The following SDK1 variants were observed in gnomAD, a reference collection of about 807,000 sequenced individuals.
SDK1 encodes protein sidekick-1.
Under a neutral mutation model 245.5 loss-of-function variants are expected in SDK1, and 157 were observed. The observed-to-expected ratio is 0.64, with a 90% confidence interval of 0.56 to 0.73. The LOEUF is 0.73. Ranked by LOEUF, SDK1 falls within the 30% of genes least tolerant of loss-of-function variation. SDK1 has a pLI of 0.00. For missense variants in SDK1, 3,583 were observed against 3,002.3 expected (o/e 1.19, Z -4.52); for synonymous variants, 1,647 against 1,278.5 (o/e 1.29, Z -6.15).
chr7:4,083,550 C>CTCCCTTCA (rs1781205520), intron 22 of SDK1, among the ~76,000 whole-genome samples: 1 of 133,042 alleles, frequency 7.5e-6, no homozygotes, highest in Non-Finnish European at 1.6e-5. Flanking sequence ...CCCTCCCTCC[C>CTCCCTTCA]TCCCTCCCTT....
At chr7:3,764,425 C>T (rs1255045275) in intron 4 of SDK1, among the ~76,000 whole-genome samples, 2 of 152,162 alleles carry the variant, frequency 1.3e-5, no homozygotes, top group Non-Finnish European at 2.9e-5. Flanking sequence ...GTGACTCATG[C>T]CTGTAATCCC....
intron 14 of SDK1, among the ~76,000 whole-genome samples, chr7:3,995,490 C>G (rs1784633556): frequency 6.6e-6 from 1 of 152,232 alleles, no homozygotes; most frequent in African/African-American, 2.4e-5. Context: ...CAACACCTCC[C>G]TCCTGAGTTG....
At chr7:3,946,292 C>G (rs944463482) in intron 5 of SDK1, among the ~76,000 whole-genome samples, 8 of 152,010 alleles carry the variant, frequency 5.3e-5, no homozygotes, top group Non-Finnish European at 7.4e-5. Flanking sequence ...ATCCTCCTGC[C>G]TCAGCCTCCC....
chr7:3,443,284 C>G (rs986661289), intron 1 of SDK1, among the ~76,000 whole-genome samples: 8 of 152,130 alleles, frequency 5.3e-5, no homozygotes, highest in Non-Finnish European at 1.0e-4. Context: ...AGAGCTAACA[C>G]TACTTATGTT....
chr7:3,975,174 A>G (rs1009147277), intron 13 of SDK1, among the ~76,000 whole-genome samples: 5 of 152,264 alleles, frequency 3.3e-5, no homozygotes, highest in African/African-American at 9.6e-5. Flanking sequence ...TTCATGGAGC[A>G]GGAAACCAAA....
chr7:3,628,077 C>A (rs925957032), intron 2 of SDK1, among the ~76,000 whole-genome samples: 1 of 152,124 alleles, frequency 6.6e-6, no homozygotes, highest in Non-Finnish European at 1.5e-5. Flanking sequence ...ACTGCGCTCC[C>A]TTTGGCCACG....
chr7:4,060,357 A>G (rs557566814), intron 19 of SDK1, among the ~76,000 whole-genome samples: 89 of 152,328 alleles, frequency 5.8e-4, no homozygotes, highest in African/African-American at 2.0e-3. Flanking sequence ...GTAGAAGGAA[A>G]GATATAATAA....
In SDK1 at chr7:4,233,320, C is replaced by T. The variant is rs749176490; in HGVS notation, c.5893C>T (p.Leu1965=). The T allele has an allele frequency of 6.2e-7, 1 of 1,613,892 alleles. No homozygotes were observed. Among genetic ancestry groups the T allele is most frequent in the African/African-American group, 1.3e-5 (1 of 74,946 alleles). The part of the protein sequence containing the change: ...PRSATSYTLS[L]DKLRQGVTYE... The stretch of plus-strand genomic sequence containing the variant: ...GAGCGCCACATCCTACACCCTCAGC[C>T]TGGATAAGCTCCGGCAAGGAGTGAC... The change falls in exon 41 of 45, where the codon CTG becomes TTG. Residue 1965 remains leucine, a synonymous_variant. Coordinates refer to ENST00000404826, the MANE Select transcript of SDK1 (RefSeq NM_152744.4).
Position 4,006,479 on chromosome 7 carries a change from G to A in SDK1, c.2132-4487G>A, listed in dbSNP as rs150396089. Among the ~76,000 whole-genome samples the A allele has an allele frequency of 5.7e-3, 867 of 152,292 alleles. 10 individuals carry two copies. Among genetic ancestry groups the A allele is most frequent in the African/African-American group, 0.019 (797 of 41,542 alleles). Reference sequence around the variant, plus strand: ...TCTTCTGTGAGGACCGGCTGGGGGCGGACCCTTTTAAAGGGATGTTGCTTA... The same window carrying A: ...TCTTCTGTGAGGACCGGCTGGGGGCAGACCCTTTTAAAGGGATGTTGCTTA... On this transcript the variant is annotated intron_variant, in intron 14 of 44. Coordinates refer to ENST00000404826, the MANE Select transcript of SDK1 (RefSeq NM_152744.4).
At chr7:3,723,110 A>G (rs753779867) in intron 4 of SDK1, among the ~76,000 whole-genome samples, 10 of 152,386 alleles carry the variant, frequency 6.6e-5, no homozygotes, top group South Asian at 2.1e-4. Context: ...GTGTGAGTCC[A>G]TATAAAATTC....
At chr7:4,065,378 T>G (rs1779807682) in intron 19 of SDK1, among the ~76,000 whole-genome samples, 1 of 152,120 alleles carries the variant, frequency 6.6e-6, no homozygotes, top group Non-Finnish European at 1.5e-5. Context: ...AGAATATAAA[T>G]TTTAAGCTGA....
At chr7:4,084,300 A>T (rs186760834) in intron 22 of SDK1, among the ~76,000 whole-genome samples, 8 of 152,286 alleles carry the variant, frequency 5.3e-5, no homozygotes, top group Non-Finnish European at 8.8e-5. Context: ...GAGTATCATC[A>T]TGAAAGCATA....
At chr7:3,740,002 C>G (rs1298833412) in intron 4 of SDK1, among the ~76,000 whole-genome samples, 4 of 152,288 alleles carry the variant, frequency 2.6e-5, no homozygotes, top group Middle Eastern at 3.4e-3. Flanking sequence ...CCTCTGAAGT[C>G]TCTTGTCAGT....
intron 1 of SDK1, among the ~76,000 whole-genome samples, chr7:3,347,184 C>G (rs1426352427): frequency 2.0e-5 from 3 of 151,832 alleles, no homozygotes; most frequent in Non-Finnish European, 2.9e-5. Context: ...CTTGATGCCA[C>G]TTCTTCCAAG....
At chr7:4,001,001 C>A (rs961974671) in intron 14 of SDK1, among the ~76,000 whole-genome samples, 10 of 152,158 alleles carry the variant, frequency 6.6e-5, no homozygotes, top group African/African-American at 2.4e-4. Context: ...CTGCCCTCAC[C>A]AAGACGAGAT....
At chr7:3,578,805 G>T (rs796087101) in intron 1 of SDK1, among the ~76,000 whole-genome samples, 27 of 151,812 alleles carry the variant, frequency 1.8e-4, no homozygotes, top group African/African-American at 6.3e-4. Context: ...CCCTAAAATC[G>T]CTGTTATTCT....
chr7:3,787,357 C>T (rs570425405), intron 4 of SDK1, among the ~76,000 whole-genome samples: 4 of 152,264 alleles, frequency 2.6e-5, no homozygotes, highest in African/African-American at 9.6e-5. Flanking sequence ...AAAATAGTTA[C>T]TTCATTTGCA....
At chr7:3,609,616 G>A (rs1488495491) in intron 1 of SDK1, among the ~76,000 whole-genome samples, 1 of 152,022 alleles carries the variant, frequency 6.6e-6, no homozygotes, top group African/African-American at 2.4e-5. Flanking sequence ...TTGCCAGGAT[G>A]GTCTCGATTT....
intron 5 of SDK1, among the ~76,000 whole-genome samples, chr7:3,910,833 TTGTTA>T (rs1779137311): frequency 6.6e-6 from 1 of 152,212 alleles, no homozygotes; most frequent in African/African-American, 2.4e-5. Context: ...ATTATTCAGA[TTGTTA>T]AATCCCCAGT....
Sources: gnomAD v4.1 joint callset for allele counts (sites outside exome capture counted in the v4.1 genomes callset) on GRCh38, gnomAD v4.1.1 for gene constraint, MANE v1.5 for transcripts, NCBI Gene and HGNC (gene_info 2026-07-23, HGNC 2026-07-21) for gene names.